ANKS1B: variants seen among roughly 807,000 people sequenced by gnomAD.
ANKS1B encodes the protein ankyrin repeat and sterile alpha motif domain-containing protein 1B.
ANKS1B carries 36 observed loss-of-function variants against 148.3 expected under a neutral mutation model. The observed-to-expected ratio is 0.24, with a 90% CI of 0.19 to 0.32. The LOEUF (loss-of-function observed/expected upper bound fraction) is 0.32. ANKS1B is among the 10% of genes least tolerant of loss of function. The pLI is 1.00. For synonymous variants in ANKS1B, 542 were observed against 560.8 expected, an observed-to-expected ratio of 0.97 and a Z score of 0.47; for missense variants, 1,157 against 1,542.6, an observed-to-expected ratio of 0.75 and a Z score of 4.19.
At chr12:99,110,730 TTAA>T (rs1172385573) in intron 15 of ANKS1B, among the ~76,000 whole-genome samples, 1 of 152,204 alleles carries the variant, frequency 6.6e-6, no homozygotes, top group Non-Finnish European at 1.5e-5. Context: ...GCTTTTGTCA[TTAA>T]TAAGGATGCT....
At chr12:98,898,906 A>G (rs983635639) in intron 17 of ANKS1B, among the ~76,000 whole-genome samples, 1 of 152,192 alleles carries the variant, frequency 6.6e-6, no homozygotes, top group Non-Finnish European at 1.5e-5. Context: ...GTCAACATAA[A>G]CTGCTTATTT....
intron 9 of ANKS1B, among the ~76,000 whole-genome samples, chr12:99,558,241 G>A (rs1055882512): frequency 6.6e-6 from 1 of 152,132 alleles, no homozygotes; most frequent in African/African-American, 2.4e-5. Flanking sequence ...GGTGGGGCAG[G>A]GGCAAGGCAT....
In ANKS1B at chr12:99,007,501, G is replaced by A. The variant is rs140605748; in HGVS notation, c.2778+45656C>T. Among the ~76,000 whole-genome samples the A allele has an allele frequency of 4.5e-4, 69 of 152,124 alleles. No homozygotes were observed. In the East Asian group the frequency reaches 0.011, roughly 25 times the overall value. On this transcript the variant is annotated intron_variant, in intron 17 of 26. Transcript: ENST00000683438. ...TCACTGCTTCCAACTCTGCTATGTC[G>A]AATCTCCCAACTCTTCTAGACATCT...
intron 15 of ANKS1B, among the ~76,000 whole-genome samples, chr12:99,124,252 G>A (rs2063684332): frequency 6.6e-6 from 1 of 152,118 alleles, no homozygotes; most frequent in South Asian, 2.1e-4. Context: ...AGGTGCCAAG[G>A]ATTTAAGAAA....
intron 12 of ANKS1B, among the ~76,000 whole-genome samples, chr12:99,380,819 C>G (rs1322591871): frequency 6.7e-6 from 1 of 149,974 alleles, no homozygotes; most frequent in Non-Finnish European, 1.5e-5. Flanking sequence ...TGCTCCACAA[C>G]AAACATTTGT....
chr12:99,181,500 T>C (rs1221481699), intron 14 of ANKS1B, among the ~76,000 whole-genome samples: 1 of 152,210 alleles, frequency 6.6e-6, no homozygotes, highest in Non-Finnish European at 1.5e-5. Flanking sequence ...TTATCTTAAA[T>C]GTATAAGAAC....
chr12:98,789,419 GT>G (rs34713699), intron 22 of ANKS1B, among the ~76,000 whole-genome samples: 76 of 147,320 alleles, frequency 5.2e-4, no homozygotes, highest in African/African-American at 1.2e-3. Flanking sequence ...AAGATGTATA[GT>G]TTTTTTTTTT....
rs2089048639 is a variant in ANKS1B at position 99,856,307 on chromosome 12, A to G, written c.135-30918T>C. On this transcript the variant is annotated intron_variant, in intron 1 of 26. Transcript: ENST00000683438. ...CACCTTTATGCACATAACATAGAAA[A>G]CCTAGTGGACATGGATAAATTCCTG... Among the ~76,000 whole-genome samples the G allele has an allele frequency of 2.0e-5, 3 of 152,230 alleles. No homozygotes were observed. In the South Asian group the frequency reaches 6.2e-4, roughly 32 times the overall value.
chr12:99,356,928 C>A (rs1418619726), intron 12 of ANKS1B, among the ~76,000 whole-genome samples: 1 of 128,574 alleles, frequency 7.8e-6, no homozygotes, highest in Admixed American at 8.9e-5. Flanking sequence ...GGTCCATATT[C>A]TTCTAGACTT....
At chr12:98,877,465 T>C (rs1013665885) in intron 17 of ANKS1B, among the ~76,000 whole-genome samples, 1 of 152,222 alleles carries the variant, frequency 6.6e-6, no homozygotes, top group African/African-American at 2.4e-5. Context: ...GATTGACTAT[T>C]CAGTAAGTGA....
chr12:99,777,683 C>T (rs1412517400), intron 6 of ANKS1B, among the ~76,000 whole-genome samples: 1 of 152,034 alleles, frequency 6.6e-6, no homozygotes, highest in East Asian at 2.0e-4. Context: ...CTTCTGGGTT[C>T]ACGCCATTCT....
At chr12:99,461,030 T>C (rs890873186) in intron 10 of ANKS1B, among the ~76,000 whole-genome samples, 2 of 150,570 alleles carry the variant, frequency 1.3e-5, no homozygotes, top group South Asian at 2.1e-4. Context: ...ATAAAGAAAA[T>C]GTGGTGGATA....
intron 17 of ANKS1B, among the ~76,000 whole-genome samples, chr12:98,887,374 A>G (rs952782959): frequency 6.6e-6 from 1 of 152,152 alleles, no homozygotes; most frequent in African/African-American, 2.4e-5. Flanking sequence ...GTGCATTCAT[A>G]TTGTCATATT....
At chr12:99,034,469 C>A (rs533182743) in intron 17 of ANKS1B, among the ~76,000 whole-genome samples, 5 of 152,170 alleles carry the variant, frequency 3.3e-5, no homozygotes, top group Non-Finnish European at 5.9e-5. Context: ...GCGTGTGCAA[C>A]CATGCTCAGC....
intron 9 of ANKS1B, among the ~76,000 whole-genome samples, chr12:99,520,669 C>T (rs1422459400): frequency 2.6e-5 from 4 of 152,172 alleles, no homozygotes; most frequent in Non-Finnish European, 5.9e-5. Context: ...TCTACCCCCA[C>T]CTCCTCTTTA....
chr12:98,894,832 G>A (rs1366301848), intron 17 of ANKS1B: 81 of 981,952 alleles, frequency 8.2e-5, no homozygotes, highest in Non-Finnish European at 9.4e-5. Context: ...GCTTGGCCGC[G>A]CCGCGCTGCG....
chr12:99,822,729 G>A (rs1369242978), intron 2 of ANKS1B, among the ~76,000 whole-genome samples: 1 of 152,126 alleles, frequency 6.6e-6, no homozygotes, highest in Admixed American at 6.6e-5. Flanking sequence ...TTGCTATTGT[G>A]AATAGTGCTG....
intron 8 of ANKS1B, among the ~76,000 whole-genome samples, chr12:99,687,149 ATCATT>A (rs2098654285): frequency 6.6e-6 from 1 of 152,214 alleles, no homozygotes; most frequent in Non-Finnish European, 1.5e-5. Context: ...TTTTAAAGAT[ATCATT>A]TCATCACTTC....
chr12:98,869,731 G>A (rs1353514928), intron 17 of ANKS1B, among the ~76,000 whole-genome samples: 3 of 150,786 alleles, frequency 2.0e-5, no homozygotes, highest in Non-Finnish European at 4.4e-5. Flanking sequence ...ATATATAAAC[G>A]TTAACATTTA....
Sources: gnomAD v4.1 joint callset for allele counts (sites outside exome capture counted in the v4.1 genomes callset) on GRCh38, gnomAD v4.1.1 for gene constraint, MANE v1.5 for transcripts, NCBI Gene and HGNC (gene_info 2026-07-23, HGNC 2026-07-21) for gene names.